Variants in PPM1E observed in about 807,000 individuals in gnomAD.
The protein encoded by PPM1E is protein phosphatase 1E.
A neutral mutation model predicts 65.9 loss-of-function variants in PPM1E; 20 were observed. That is an observed-to-expected ratio of 0.30 (90% CI 0.21 to 0.44). The LOEUF (loss-of-function observed/expected upper bound fraction) is 0.44. PPM1E is among the 20% of genes least tolerant of loss of function. The probability of loss-of-function intolerance (pLI) is 1.00; values close to 1 mark genes in which losing one functional copy is unlikely to be tolerated. For missense variants in PPM1E, 713 were observed against 953.1 expected (o/e 0.75, Z 3.32); for synonymous variants, 352 against 374.9 (o/e 0.94, Z 0.70).
intron 1 of PPM1E, among the ~76,000 whole-genome samples, chr17:58,846,830 C>T (rs1204759948): frequency 6.6e-6 from 1 of 152,166 alleles, no homozygotes; most frequent in Non-Finnish European, 1.5e-5. Context: ...GTTCTAGATC[C>T]TTGAGGAATC....
At chr17:58,863,103 T>A (rs1174759592) in intron 1 of PPM1E, among the ~76,000 whole-genome samples, 5 of 152,168 alleles carry the variant, frequency 3.3e-5, no homozygotes, top group African/African-American at 1.2e-4. Flanking sequence ...ATTTGGGAAA[T>A]AATATGGCTT....
Position 58,810,231 on chromosome 17 carries a change from C to T in PPM1E, c.464+53770C>T, listed in dbSNP as rs140148071. 2.9e-4 allele frequency among the ~76,000 whole-genome samples: 44 copies of T among 151,654 alleles called. No individual in the cohort carries two copies. In the East Asian group the frequency reaches 5.6e-3, roughly 19 times the overall value. On this transcript the variant is annotated intron_variant, in intron 1 of 6. Transcript: ENST00000308249. ...ACTTTTTTGTTTTTTTTTTCTGAGA[C>T]GGAGTCTCACTCTGTCACCAGGCTG... is the stretch of plus-strand genomic sequence containing the variant.
At chr17:58,972,041 A>C (rs2030667267) in intron 4 of PPM1E, 91 bp from the exon 5 acceptor site, 2 of 1,254,068 alleles carry the variant, frequency 1.6e-6, no homozygotes, top group African/African-American at 1.5e-5. Flanking sequence ...TATAGCTCCC[A>C]GCTGAAAAGC....
chr17:58,834,809 G>A (rs2050638178), intron 1 of PPM1E, among the ~76,000 whole-genome samples: 1 of 151,978 alleles, frequency 6.6e-6, no homozygotes. Flanking sequence ...TCTTTAAAAA[G>A]CTAATGTGAT....
chr17:58,769,984 G>A (rs1454580587), intron 1 of PPM1E, among the ~76,000 whole-genome samples: 2 of 151,888 alleles, frequency 1.3e-5, no homozygotes, highest in African/African-American at 4.8e-5. Context: ...CTGAGATTGT[G>A]CCACTGCATT....
chr17:58,966,050 A>G, intron 3 of PPM1E, 157 bp downstream of exon 3: 1 of 716,734 alleles, frequency 1.4e-6, no homozygotes, highest in Non-Finnish European at 2.3e-6. Flanking sequence ...TGCAACAGAA[A>G]AGGAACTATT....
intron 1 of PPM1E, among the ~76,000 whole-genome samples, chr17:58,807,095 C>T (rs1168552672): frequency 6.6e-6 from 1 of 152,010 alleles, no homozygotes; most frequent in Non-Finnish European, 1.5e-5. Context: ...ATGCTGATAC[C>T]TCCTAATTGT....
chr17:58,834,113 TCTTTG>T, intron 1 of PPM1E, among the ~76,000 whole-genome samples: 1 of 152,304 alleles, frequency 6.6e-6, no homozygotes, highest in East Asian at 1.9e-4. Context: ...ATATTTCCCC[TCTTTG>T]CTTAGATGTA....
intron 1 of PPM1E, among the ~76,000 whole-genome samples, chr17:58,844,753 C>G (rs1219801047): frequency 1.3e-5 from 2 of 152,158 alleles, no homozygotes; most frequent in African/African-American, 4.8e-5. Flanking sequence ...AAAAAGATAT[C>G]AGCAATCAAT....
intron 1 of PPM1E, among the ~76,000 whole-genome samples, chr17:58,787,904 C>CT (rs1195035544): frequency 2.7e-5 from 3 of 111,736 alleles, no homozygotes; most frequent in Non-Finnish European, 5.6e-5. Flanking sequence ...AAGACTCTGT[C>CT]TAAAAAAAAA....
intron 1 of PPM1E, among the ~76,000 whole-genome samples, chr17:58,780,897 G>A (rs1052836693): frequency 1.3e-5 from 2 of 152,016 alleles, no homozygotes; most frequent in South Asian, 2.1e-4. Flanking sequence ...ATACCACCAC[G>A]TATAAATAGT....
At chr17:58,958,047 G>A (rs2029906267) in intron 2 of PPM1E, among the ~76,000 whole-genome samples, 1 of 152,134 alleles carries the variant, frequency 6.6e-6, no homozygotes, top group Admixed American at 6.5e-5. Flanking sequence ...GGAGGCTGAG[G>A]TAGGAGAATC....
chr17:58,762,775 G>A (rs953066007), intron 1 of PPM1E, among the ~76,000 whole-genome samples: 2 of 151,274 alleles, frequency 1.3e-5, no homozygotes, highest in African/African-American at 4.8e-5. Context: ...GCGGGCGCCT[G>A]TAGTCCCAGC....
chr17:58,760,589 A>T (rs977510749), intron 1 of PPM1E, among the ~76,000 whole-genome samples: 2 of 152,140 alleles, frequency 1.3e-5, no homozygotes, highest in Non-Finnish European at 2.9e-5. Flanking sequence ...AAAATGTTTA[A>T]TTGTCACACT....
chr17:58,806,165 A>T (rs953753535), intron 1 of PPM1E, among the ~76,000 whole-genome samples: 2 of 152,030 alleles, frequency 1.3e-5, no homozygotes, highest in South Asian at 2.1e-4. Context: ...GCAAACAAAC[A>T]TCTGGAATTG....
At chr17:58,868,535 T>C (rs1235687331) in intron 1 of PPM1E, among the ~76,000 whole-genome samples, 1 of 151,494 alleles carries the variant, frequency 6.6e-6, no homozygotes, top group Non-Finnish European at 1.5e-5. Flanking sequence ...CTTTCCATTT[T>C]AATTTTCTAC....
chr17:58,772,974 C>CTTT (rs66678128), intron 1 of PPM1E, among the ~76,000 whole-genome samples: 1 of 146,786 alleles, frequency 6.8e-6, no homozygotes, highest in African/African-American at 2.5e-5. Context: ...CTTTCTCTCT[C>CTTT]TTTTTTTTTT....
chr17:58,934,809 C>A (rs1218136057), intron 1 of PPM1E, among the ~76,000 whole-genome samples: 2 of 151,764 alleles, frequency 1.3e-5, no homozygotes, highest in Non-Finnish European at 2.9e-5. Flanking sequence ...CACCTGTAAT[C>A]CCAGCTACTC....
intron 1 of PPM1E, among the ~76,000 whole-genome samples, chr17:58,842,282 C>T (rs909377383): frequency 5.3e-5 from 8 of 152,086 alleles, no homozygotes; most frequent in Admixed American, 1.3e-4. Flanking sequence ...GACAAGTAAA[C>T]GTAATATAGT....
Sources: gnomAD v4.1 joint callset for allele counts (sites outside exome capture counted in the v4.1 genomes callset) on GRCh38, gnomAD v4.1.1 for gene constraint, MANE v1.5 for transcripts, NCBI Gene and HGNC (gene_info 2026-07-23, HGNC 2026-07-21) for gene names.